MAP3K15: variants seen among roughly 807,000 people sequenced by gnomAD.
MAP3K15 encodes MAPK/ERK kinase kinase 15.
Under a neutral mutation model 99.5 loss-of-function variants are expected in MAP3K15, and 124 were observed. That is an observed-to-expected ratio of 1.25 (90% CI 1.08 to 1.45). The LOEUF is 1.45. Ranked by LOEUF, MAP3K15 falls within the 40% of genes most tolerant of loss-of-function variation. The pLI is 0.00. For missense variants in MAP3K15, 1,242 were observed against 1,079.7 expected (o/e 1.15, Z -2.11); for synonymous variants, 494 against 439.6 (o/e 1.12, Z -1.55).
Position 19,361,467 on chromosome X carries a change from T to G in MAP3K15, c.3780+26A>C, listed in dbSNP as rs749418204. ...GCTGAGCAGCTGTGTAACAACAGCA[T>G]AAGAATTTCTTTGTTGTAAATTTAC... On this transcript the variant is annotated intron_variant, in intron 27 of 28. Coordinates refer to ENST00000338883, the MANE Select transcript of MAP3K15 (RefSeq NM_001001671.4). 4 of 1,194,146 alleles carry G rather than the reference T, an allele frequency of 3.3e-6. No homozygotes were observed. The African/African-American group carries it at 7.0e-5, about 21-fold the overall frequency.
At chrX:19,465,049 G>A (rs950305838) in intron 3 of MAP3K15, among the ~76,000 whole-genome samples, 1 of 109,960 alleles carries the variant, frequency 9.1e-6, no homozygotes, top group Non-Finnish European at 1.9e-5. Flanking sequence ...GTGCCACCAT[G>A]CTCAGCTAAT....
intron 3 of MAP3K15, among the ~76,000 whole-genome samples, chrX:19,483,092 A>C (rs1189399594): frequency 9.1e-6 from 1 of 109,402 alleles, no homozygotes; most frequent in Non-Finnish European, 1.9e-5. Context: ...CTACTAAAAA[A>C]AAAAAAAATA....
intron 3 of MAP3K15, among the ~76,000 whole-genome samples, chrX:19,472,640 T>C (rs1414905512): frequency 8.9e-6 from 1 of 111,900 alleles, no homozygotes; most frequent in East Asian, 2.8e-4. Context: ...TCCCCCTACC[T>C]ACATTCTCTT....
At chrX:19,400,816 T>C (rs1786979212) in intron 13 of MAP3K15, among the ~76,000 whole-genome samples, 153 bp from the exon 14 acceptor site, 1 of 111,784 alleles carries the variant, frequency 8.9e-6, no homozygotes, top group South Asian at 3.8e-4. Context: ...CGTGGTACTT[T>C]AGTGGTTATC....
In MAP3K15 at chrX:19,374,556, G is replaced by C; in HGVS notation, c.2694C>G (p.Thr898=). 8.3e-7 allele frequency: 1 copy of C among 1,211,655 alleles called. No homozygotes were observed. The change falls in exon 20 of 29, where the codon ACC becomes ACG. Residue 898 remains threonine, a synonymous_variant. Transcript: ENST00000338883. ...CFEPDPHKRA[T]TAELLREGFL... ...AACCCTCTCTCAGTAGCTCAGCAGTGGTGGCACGTTTGTGGGGGTCAGGCT... is the reference window on the plus strand; with the variant it reads ...AACCCTCTCTCAGTAGCTCAGCAGTCGTGGCACGTTTGTGGGGGTCAGGCT...
At chrX:19,500,964 G>T (rs1234058268) in intron 1 of MAP3K15, among the ~76,000 whole-genome samples, 2 of 112,144 alleles carry the variant, frequency 1.8e-5, no homozygotes, top group Non-Finnish European at 3.8e-5. Flanking sequence ...AATGCTGCAG[G>T]TGAAATGCTT....
At chrX:19,508,922 A>C (rs775727531) in intron 1 of MAP3K15, among the ~76,000 whole-genome samples, 1 of 111,967 alleles carries the variant, frequency 8.9e-6, no homozygotes, top group East Asian at 2.8e-4. Flanking sequence ...ATTTAAAAAT[A>C]AATATTTAAA....
chrX:19,480,706 A>T (rs1283863878), intron 3 of MAP3K15, among the ~76,000 whole-genome samples: 3 of 103,901 alleles, frequency 2.9e-5, no homozygotes, highest in Non-Finnish European at 3.9e-5. Flanking sequence ...GGCACCTGTG[A>T]TCCCAGCTAC....
At chrX:19,506,433 T>C (rs2064477902) in intron 1 of MAP3K15, among the ~76,000 whole-genome samples, 1 of 112,131 alleles carries the variant, frequency 8.9e-6, no homozygotes, top group African/African-American at 3.2e-5. Context: ...ACAATGACTC[T>C]TGTATAAGCC....
At position 19,398,258 on chromosome X, in the gene MAP3K15, T is replaced by C. The variant is rs1213214286; in HGVS notation, c.2034A>G (p.Ile678Met). ...CTCTCTCCGGGATTTCTTTGATGGC[T>C]ATTCGCACTTGATTGCTCAGATCTC... ...AGRDLSNQVR[I>M]AIKEIPERDS... is the part of the protein sequence containing the mutation. Residue 678 changes from isoleucine to methionine, a missense_variant, in exon 15 of 29, where the codon ATA (isoleucine) becomes ATG (methionine). Transcript: ENST00000338883. 2 of 1,209,185 alleles carry C rather than the reference T, an allele frequency of 1.7e-6. No individual in the cohort carries two copies. The highest frequency in any genetic ancestry group is 3.5e-5 in the South Asian group (2 of 56,776).
chrX:19,388,126 T>A (rs1382731646), intron 18 of MAP3K15, among the ~76,000 whole-genome samples: 1 of 112,340 alleles, frequency 8.9e-6, no homozygotes, highest in African/African-American at 3.2e-5. Flanking sequence ...GACTTTTGAA[T>A]GAGGACCAGA....
In MAP3K15 at chrX:19,371,488, T is replaced by C. The variant is rs763312022; in HGVS notation, c.3151A>G (p.Ile1051Val). The C allele has an allele frequency of 8.3e-7, 1 of 1,209,854 alleles. No individual in the cohort carries two copies. The highest frequency in any genetic ancestry group is 1.1e-6 in the Non-Finnish European group (1 of 894,098). The change falls in exon 23 of 29, where the codon ATC (isoleucine) becomes GTC (valine). Residue 1051 changes from isoleucine to valine, a missense_variant. Transcript: ENST00000338883. ...ATGAAGTCCCTCAGGATCCCAATGA[T>C]TTGCTTGATGTGTCCAACTGAGAGA... Reference protein sequence around the residue: ...LHLSVGHIKQIIGILRDFIRS... With the variant: ...LHLSVGHIKQVIGILRDFIRS...
At chrX:19,419,771 T>C (rs909144677) in intron 9 of MAP3K15, among the ~76,000 whole-genome samples, 2 of 111,878 alleles carry the variant, frequency 1.8e-5, no homozygotes, top group East Asian at 2.8e-4. Flanking sequence ...TATTTCAAAA[T>C]TGACCACATA....
Position 19,395,120 on chromosome X carries a change from T to C in MAP3K15, c.2155A>G (p.Asn719Asp), listed in dbSNP as rs1255886027. The change falls in exon 16 of 29, where the codon AAC becomes GAC. Residue 719 changes from asparagine to aspartate, a missense_variant. Physicochemically the swap from Asn to Asp is conservative, Grantham distance 23. Transcript: ENST00000338883. ...TCCATAAATATCTTAATGTAGCCGTTCTCTGAAACAGAGCCCAGGTACTGA... is the reference window on the plus strand; with the variant it reads ...TCCATAAATATCTTAATGTAGCCGTCCTCTGAAACAGAGCCCAGGTACTGA... Reference protein sequence around the residue: ...IVQYLGSVSENGYIKIFMEQV... With the variant: ...IVQYLGSVSEDGYIKIFMEQV... 8.3e-7 allele frequency: 1 copy of C among 1,206,726 alleles called. No homozygotes were observed. The highest frequency in any genetic ancestry group is 3.0e-5 in the East Asian group (1 of 33,649).
intron 6 of MAP3K15, among the ~76,000 whole-genome samples, chrX:19,441,726 G>A (rs1376121548): frequency 8.9e-6 from 1 of 112,061 alleles, no homozygotes; most frequent in African/African-American, 3.2e-5. Context: ...GCAAAGTGCT[G>A]GGATTACAGG....
At chrX:19,426,901 G>A (rs909252229) in intron 7 of MAP3K15, among the ~76,000 whole-genome samples, 14 of 104,408 alleles carry the variant, frequency 1.3e-4, no homozygotes, top group African/African-American at 5.1e-4. Context: ...TTTGCTCATA[G>A]GATTTTTATT....
chrX:19,371,140 C>A, intron 23 of MAP3K15, 76 bp from the exon 24 acceptor site: 1 of 862,823 alleles, frequency 1.2e-6, no homozygotes, highest in Non-Finnish European at 1.6e-6. Context: ...CGGAGAATCA[C>A]GGCAACCTAC....
intron 18 of MAP3K15, among the ~76,000 whole-genome samples, chrX:19,384,820 GT>G (rs1404533342): frequency 4.0e-5 from 4 of 99,366 alleles, no homozygotes; most frequent in Admixed American, 2.3e-4. Flanking sequence ...TAACTGGATT[GT>G]TTGTAACACA....
At position 19,362,797 on chromosome X, in the gene MAP3K15, T is replaced by C. The variant is rs780619318; in HGVS notation, c.3620A>G (p.Gln1207Arg). The C allele has an allele frequency of 8.3e-7, 1 of 1,200,338 alleles. No homozygotes were observed. Among genetic ancestry groups the C allele is most frequent in the South Asian group, 1.8e-5 (1 of 55,899 alleles). ...KEREYQNLLR[Q>R]TLEQKTQELY... Reference sequence around the variant, plus strand: ...TTCTTGAGTTTTCTGTTCTAGAGTTTGCCGCAGAAGATTCTGGTACTCTCT... The same window carrying C: ...TTCTTGAGTTTTCTGTTCTAGAGTTCGCCGCAGAAGATTCTGGTACTCTCT... Residue 1207 changes from glutamine to arginine, a missense_variant, in exon 26 of 29, where the codon CAA becomes CGA. Transcript: ENST00000338883.
Sources: gnomAD v4.1 joint callset for allele counts (sites outside exome capture counted in the v4.1 genomes callset) on GRCh38, gnomAD v4.1.1 for gene constraint, MANE v1.5 for transcripts, NCBI Gene and HGNC (gene_info 2026-07-23, HGNC 2026-07-21) for gene names.